Variants in KRTAP4-16 observed in about 807,000 individuals in gnomAD.
The protein encoded by KRTAP4-16 is keratin-associated protein 4-16.
For missense variants in KRTAP4-16, 378 were observed against 233.5 expected (o/e 1.62, Z -4.03); for synonymous variants, 140 against 88.8 (o/e 1.58, Z -3.24).
chr17:41,101,626 G>C (rs2013982952), exon 1 of KRTAP4-16: 2 of 475,880 alleles, frequency 4.2e-6, no homozygotes, highest in Non-Finnish European at 7.5e-6. Context: ...TAACACTGGG[G>C]AGAGGAGGGG....
rs12326028 is a variant in KRTAP4-16, at chr17:41,101,819, G to A, written c.391C>T (p.Arg131Cys). Residue 131 changes from arginine (R) to cysteine (C), a missense_variant, in exon 1 of 1, where the codon CGT (arginine) becomes TGT (cysteine). Transcript: ENST00000440582. ...CAGGAGACTCGACCACAGACTGGAC[G>A]CAGGCAGCAGCAGGGGCAGCAGCAG... 2,578 of 1,583,902 alleles carry A rather than the reference G, an allele frequency of 1.6e-3. 74 individuals carry two copies. In the African/African-American group the frequency reaches 0.03, roughly 19 times the overall value.
At chr17:41,102,077 C>G in exon 1 of KRTAP4-16, 1 of 1,593,288 alleles carries the variant, frequency 6.3e-7, no homozygotes, top group Non-Finnish European at 8.6e-7. Context: ...CAGCTGGACA[C>G]AGAGCAGCTG....
At chr17:41,101,726 G>C in exon 1 of KRTAP4-16, 1 of 1,267,034 alleles carries the variant, frequency 7.9e-7, no homozygotes, top group South Asian at 1.3e-5. Context: ...GGAAGGGGAG[G>C]GGAGGCACAG....
the KRTAP4-16 span, chr17:41,101,617 A>C: frequency 2.6e-6 from 1 of 391,308 alleles, no homozygotes; most frequent in Non-Finnish European, 4.6e-6. Flanking sequence ...GGAGGGGATT[A>C]ACACTGGGGA....
At chr17:41,101,668 A>T (rs576686095) in exon 1 of KRTAP4-16, 20 of 500,830 alleles carry the variant, frequency 4.0e-5, no homozygotes, top group Admixed American at 1.2e-4. Context: ...GGGGAGGGCA[A>T]GGGAAAGGAA....
At chr17:41,101,745 G>T in exon 1 of KRTAP4-16, 2 of 1,404,936 alleles carry the variant, frequency 1.4e-6, no homozygotes, top group Non-Finnish European at 9.8e-7. Flanking sequence ...AGCACAAGGG[G>T]TGGGGGCAGG....
Position 41,101,693 on chromosome 17 carries a change from C to CAGGTGGGGAAGGGAGGGGAAG in KRTAP4-16, c.516_517insCTTCCCCTCCCTTCCCCACCT (p.Pro172_Val173insLeuProLeuProSerProPro), listed in dbSNP as rs1567961527. 1.3e-4 allele frequency: 97 copies of CAGGTGGGGAAGGGAGGGGAAG among 721,024 alleles called. 4 individuals are homozygous for CAGGTGGGGAAGGGAGGGGAAG. In the African/African-American group the frequency reaches 3.4e-3, roughly 25 times the overall value. 44.7% of individuals were successfully genotyped at this position (721,024 alleles called of 1,614,324 possible). A position where few individuals can be genotyped will look rare whatever the true frequency, so the allele number is the denominator to read the frequency against. ...AGGGAAAGGAAGAAAGGGAGGGGAA[C>CAGGTGGGGAAGGGAGGGGAAG]GGGTGGGGAAGGGAAGGGGAGGGGA... On this transcript the variant is annotated inframe_insertion, in exon 1 of 1. Coordinates refer to ENST00000440582, the Ensembl canonical transcript of KRTAP4-16.
chr17:41,101,909 G>A (rs776053145), exon 1 of KRTAP4-16: 2 of 1,611,002 alleles, frequency 1.2e-6, no homozygotes, highest in East Asian at 2.2e-5. Flanking sequence ...CAGCAGGTGG[G>A]CTGGAAGCAC....
At chr17:41,101,908 G>A in exon 1 of KRTAP4-16, 3 of 1,611,102 alleles carry the variant, frequency 1.9e-6, no homozygotes, top group Non-Finnish European at 2.5e-6. Flanking sequence ...GCAGCAGGTG[G>A]GCTGGAAGCA....
exon 1 of KRTAP4-16, chr17:41,101,570 G>T (rs1597982399): frequency 5.9e-6 from 2 of 337,750 alleles, no homozygotes; most frequent in South Asian, 4.8e-5. Context: ...GAGGGGAGGG[G>T]AGGGGAAAGT....
At chr17:41,102,169 C>CT in the KRTAP4-16 span, 4 of 1,396,848 alleles carry the variant, frequency 2.9e-6, no homozygotes, top group Non-Finnish European at 4.1e-6. Context: ...AGCACACAGA[C>CT]TGGAAGCACT....
chr17:41,101,743 G>A, exon 1 of KRTAP4-16: 1 of 1,397,406 alleles, frequency 7.2e-7, no homozygotes, highest in Non-Finnish European at 9.9e-7. Context: ...ACAGCACAAG[G>A]GGTGGGGGCA....
exon 1 of KRTAP4-16, chr17:41,101,951 T>G (rs758639455): frequency 2.2e-5 from 36 of 1,603,412 alleles, no homozygotes; most frequent in Non-Finnish European, 3.1e-5. Flanking sequence ...CTGCAGCAGC[T>G]GGACACACAG....
exon 1 of KRTAP4-16, chr17:41,101,705 G>A (rs2013986305): frequency 1.1e-6 from 1 of 925,326 alleles, no homozygotes; most frequent in Non-Finnish European, 1.6e-6. Context: ...GGTGGGGAAG[G>A]GAAGGGGAGG....
At chr17:41,101,847 C>A in exon 1 of KRTAP4-16, 1 of 1,602,252 alleles carries the variant, frequency 6.2e-7, no homozygotes, top group Non-Finnish European at 8.5e-7. Flanking sequence ...AGCAGCAGCT[C>A]GATTCACAGC....
exon 1 of KRTAP4-16, chr17:41,101,864 G>A: frequency 6.2e-7 from 1 of 1,607,288 alleles, no homozygotes; most frequent in South Asian, 1.1e-5. Context: ...CAGCAAGAGG[G>A]GCAGCAGCTG....
chr17:41,101,950 C>T (rs753022643), exon 1 of KRTAP4-16: 1 of 1,604,062 alleles, frequency 6.2e-7, no homozygotes, highest in Non-Finnish European at 8.5e-7. Context: ...TCTGCAGCAG[C>T]TGGACACACA....
chr17:41,102,083 AG>A, the KRTAP4-16 span: 1 of 1,592,022 alleles, frequency 6.3e-7, no homozygotes, highest in Non-Finnish European at 8.6e-7. Flanking sequence ...GACACAGAGC[AG>A]CTGTGGGAGC....
rs543735212 is a variant in KRTAP4-16, at chr17:41,101,693, C to A, written c.517G>T (p.Val173Phe). The stretch of plus-strand genomic sequence containing the variant: ...AGGGAAAGGAAGAAAGGGAGGGGAA[C>A]GGGTGGGGAAGGGAAGGGGAGGGGA... Residue 173 changes from valine (V) to phenylalanine (F), a missense_variant, in exon 1 of 1, where the codon GTT (valine) becomes TTT (phenylalanine). Physicochemically the swap from Val to Phe is conservative, Grantham distance 50. Coordinates refer to ENST00000440582, the Ensembl canonical transcript of KRTAP4-16. 1,293 of 721,006 alleles carry A rather than the reference C, an allele frequency of 1.8e-3. 25 individuals carry two copies. In the African/African-American group the frequency reaches 0.044, roughly 25 times the overall value. 44.7% of individuals were successfully genotyped at this position (721,006 alleles called of 1,614,324 possible).
Sources: allele counts gnomAD v4.1 joint callset, GRCh38; gene constraint gnomAD v4.1.1; transcripts MANE v1.5; gene names NCBI Gene and HGNC (gene_info 2026-07-23, HGNC 2026-07-21).